SLCO1A2: variants seen among roughly 807,000 people sequenced by gnomAD.
SLCO1A2 encodes the protein OATP-1.
A neutral mutation model predicts 69.0 loss-of-function variants in SLCO1A2; 67 were observed. The observed-to-expected ratio is 0.97, with a 90% CI of 0.80 to 1.19. The LOEUF (loss-of-function observed/expected upper bound fraction) is 1.19. Among genes scored for constraint, SLCO1A2 ranks in the 50% most tolerant of loss-of-function variants. SLCO1A2 has a pLI of 0.00. For missense variants in SLCO1A2, 787 were observed against 793.7 expected, an observed-to-expected ratio of 0.99 and a Z score of 0.10; for synonymous variants, 260 against 265.9, an observed-to-expected ratio of 0.98 and a Z score of 0.22.
chr12:21,318,849 T>C lies in SLCO1A2; in HGVS notation c.135A>G (p.Thr45=), dbSNP rs760307097. 2 of 1,611,766 alleles carry C rather than the reference T, an allele frequency of 1.2e-6. No individual in the cohort carries two copies. The highest frequency in any genetic ancestry group is 1.1e-5 in the South Asian group (1 of 90,734). ...LSGSYMNSML[T]QIERQFNIPT... Reference sequence around the variant, plus strand: ...GGATGTTGAATTGTCTCTCTATTTGTGTGAGCATGGAATTCATATAAGATC... The same window carrying C: ...GGATGTTGAATTGTCTCTCTATTTGCGTGAGCATGGAATTCATATAAGATC... Residue 45 remains threonine (T), a synonymous_variant, in exon 3 of 15, where the codon ACA becomes ACG. Coordinates refer to ENST00000683939, the MANE Select transcript of SLCO1A2 (RefSeq NM_001386879.1).
Position 21,292,310 on chromosome 12 carries a change from T to C in SLCO1A2, c.1464A>G (p.Gln488=), listed in dbSNP as rs769901865. 1 of 1,609,706 alleles carries C rather than the reference T, an allele frequency of 6.2e-7. No individual in the cohort carries two copies. Among genetic ancestry groups the C allele is most frequent in the Non-Finnish European group, 8.5e-7 (1 of 1,177,966 alleles). The part of the protein sequence containing the change: ...NMVFQNCSCI[Q]TSGNSSAVLG... ...GAACTGCAGATGAATTTCCTGATGT[T>C]TGAATACAGCTGCAATTTTGGAACA... Residue 488 remains glutamine, a synonymous_variant, in exon 12 of 15, where the codon CAA becomes CAG. Transcript: ENST00000683939.
At chr12:21,366,580 A>G (rs1036145175) in intron 2 of SLCO1A2, among the ~76,000 whole-genome samples, 1 of 152,188 alleles carries the variant, frequency 6.6e-6, no homozygotes, top group African/African-American at 2.4e-5. Flanking sequence ...ATAAACATTA[A>G]AAGATATTTT....
intron 2 of SLCO1A2, among the ~76,000 whole-genome samples, chr12:21,364,148 AT>A (rs1190192111): frequency 1.4e-4 from 21 of 152,224 alleles, no homozygotes; most frequent in African/African-American, 5.1e-4. Context: ...AAAATCCTCA[AT>A]AAAATACTGG....
chr12:21,296,746 T>C (rs1947772788), intron 9 of SLCO1A2, among the ~76,000 whole-genome samples: 1 of 152,212 alleles, frequency 6.6e-6, no homozygotes, highest in Non-Finnish European at 1.5e-5. Context: ...GAGAGCTTGT[T>C]AAAAATCCAT....
In SLCO1A2 at chr12:21,269,657, GAA is replaced by G. The variant is rs759034483; in HGVS notation, c.1902_1903del (p.Ser635ArgfsTer15). ...TTTTGTCTCTATAAGCTCTGTTCCT[GAA>G]GAGGCATTTTCACCAGGTAGATGAC... On this transcript the variant is annotated frameshift_variant, in exon 15 of 15. Coordinates refer to ENST00000683939, the MANE Select transcript of SLCO1A2 (RefSeq NM_001386879.1). LOFTEE classifies it low-confidence loss of function (END_TRUNC). 4.2e-5 allele frequency: 68 copies of G among 1,612,460 alleles called. No individual in the cohort carries two copies. The highest frequency in any genetic ancestry group is 1.3e-5 in the Non-Finnish European group (15 of 1,179,060).
At chr12:21,340,643 G>C (rs1172771320) in intron 2 of SLCO1A2, among the ~76,000 whole-genome samples, 1 of 151,914 alleles carries the variant, frequency 6.6e-6, no homozygotes. Flanking sequence ...GTTTCACTAT[G>C]AGGAAATCCA....
intron 1 of SLCO1A2, among the ~76,000 whole-genome samples, chr12:21,405,423 A>G (rs944809269): frequency 6.6e-6 from 1 of 152,152 alleles, no homozygotes; most frequent in Non-Finnish European, 1.5e-5. Context: ...AAACTACTTC[A>G]AAATTCATAT....
At chr12:21,304,166 G>T (rs1197587810) in intron 6 of SLCO1A2, among the ~76,000 whole-genome samples, 1 of 152,134 alleles carries the variant, frequency 6.6e-6, no homozygotes, top group Non-Finnish European at 1.5e-5. Flanking sequence ...GTAGTGTAGT[G>T]CCAAGCAGAT....
At chr12:21,414,873 A>T (rs541702608) in intron 1 of SLCO1A2, among the ~76,000 whole-genome samples, 2 of 152,258 alleles carry the variant, frequency 1.3e-5, no homozygotes, top group South Asian at 4.1e-4. Context: ...TCCATAGTGC[A>T]TTGAATCCTT....
At chr12:21,382,404 C>T (rs1024672790) in intron 1 of SLCO1A2, among the ~76,000 whole-genome samples, 1 of 152,088 alleles carries the variant, frequency 6.6e-6, no homozygotes, top group Non-Finnish European at 1.5e-5. Flanking sequence ...GTGACAGGTA[C>T]ACTAAAATGT....
chr12:21,285,396 C>A (rs1945562666), intron 12 of SLCO1A2, among the ~76,000 whole-genome samples: 1 of 147,884 alleles, frequency 6.8e-6, no homozygotes, highest in Non-Finnish European at 1.5e-5. Flanking sequence ...AGTCCAGGAC[C>A]AGATGGATTC....
intron 1 of SLCO1A2, among the ~76,000 whole-genome samples, chr12:21,381,687 T>C (rs1289295690): frequency 6.6e-6 from 1 of 152,118 alleles, no homozygotes; most frequent in Non-Finnish European, 1.5e-5. Flanking sequence ...TCCCAGCTAC[T>C]TGGGAGGCTG....
At chr12:21,292,647 G>A (rs1348999053) in intron 11 of SLCO1A2, among the ~76,000 whole-genome samples, 1 of 151,990 alleles carries the variant, frequency 6.6e-6, no homozygotes, top group Non-Finnish European at 1.5e-5. Flanking sequence ...CCAGGCTGGA[G>A]TGCAGTGGTG....
intron 1 of SLCO1A2, chr12:21,378,465 G>A: frequency 6.6e-7 from 1 of 1,508,380 alleles, no homozygotes; most frequent in Middle Eastern, 1.7e-4. Context: ...TTATGTTCTA[G>A]TGATTTCCTG....
chr12:21,348,451 T>C (rs745889670), intron 2 of SLCO1A2, among the ~76,000 whole-genome samples: 1 of 152,228 alleles, frequency 6.6e-6, no homozygotes, highest in African/African-American at 2.4e-5. Context: ...CCATGAGTTC[T>C]ACTGTTTCGA....
chr12:21,334,061 A>T (rs1321972343), intron 2 of SLCO1A2, among the ~76,000 whole-genome samples: 1 of 151,990 alleles, frequency 6.6e-6, no homozygotes, highest in African/African-American at 2.4e-5. Context: ...AATGACTTTG[A>T]AGCTAGAAAA....
Position 21,269,479 on chromosome 12 carries a change from C to T in SLCO1A2, c.*69G>A. 3.3e-6 allele frequency: 4 copies of T among 1,197,862 alleles called. No individual in the cohort carries two copies. The highest frequency in any genetic ancestry group is 4.7e-6 in the Non-Finnish European group (4 of 842,434). 74.2% of individuals were successfully genotyped at this position (1,197,862 alleles called of 1,614,324 possible). ...GAAAAAGTTATCTATTATATCTCTA[C>T]TGATTTTTAAAACAATTAAGTTGTA... On this transcript the variant is annotated 3_prime_UTR_variant, in exon 15 of 15. Transcript: ENST00000683939.
At chr12:21,389,097 A>G (rs1941030741) in intron 1 of SLCO1A2, among the ~76,000 whole-genome samples, 1 of 152,212 alleles carries the variant, frequency 6.6e-6, no homozygotes, top group Non-Finnish European at 1.5e-5. Context: ...TGAATAACCT[A>G]AAATGGGTAA....
chr12:21,319,386 C>T (rs1951299907), intron 2 of SLCO1A2: 7 of 1,367,894 alleles, frequency 5.1e-6, no homozygotes, highest in Non-Finnish European at 6.8e-6. Context: ...GCCGACTCCA[C>T]TCTTTCCTGT....
Sources: gnomAD v4.1 joint callset for allele counts (sites outside exome capture counted in the v4.1 genomes callset) on GRCh38, gnomAD v4.1.1 for gene constraint, MANE v1.5 for transcripts, NCBI Gene and HGNC (gene_info 2026-07-23, HGNC 2026-07-21) for gene names.